The following HSPA12B variants were observed in gnomAD, a reference collection of about 807,000 sequenced individuals.
HSPA12B encodes the protein heat shock protein family A (Hsp70) member 12B.
A neutral mutation model predicts 69.3 loss-of-function variants in HSPA12B; 54 were observed. The ratio of observed to expected loss-of-function variants is 0.78; its 90% CI spans 0.63 to 0.98. HSPA12B has a LOEUF of 0.98. HSPA12B is among the 50% of genes least tolerant of loss of function. The pLI is 0.00. For synonymous variants in HSPA12B, 441 were observed against 436.5 expected (o/e 1.01, Z -0.13); for missense variants, 929 against 999.8 (o/e 0.93, Z 0.96).
At chr20:3,735,062 T>C (rs1017687275) in intron 1 of HSPA12B, among the ~76,000 whole-genome samples, 5 of 152,152 alleles carry the variant, frequency 3.3e-5, no homozygotes, top group African/African-American at 1.2e-4. Context: ...ATTTAGTTCC[T>C]ACCTCCTTCC....
intron 1 of HSPA12B, among the ~76,000 whole-genome samples, chr20:3,733,150 T>C (rs2088056097): frequency 1.3e-5 from 2 of 152,008 alleles, no homozygotes; most frequent in Admixed American, 1.3e-4. Flanking sequence ...GGTGGAAACC[T>C]GGGAGTTGAG....
chr20:3,751,920 C>T lies in HSPA12B; in HGVS notation c.1815C>T (p.Leu605=). 1 of 1,586,402 alleles carries T rather than the reference C, an allele frequency of 6.3e-7. No individual in the cohort carries two copies. Among genetic ancestry groups the T allele is most frequent in the Admixed American group, 1.7e-5 (1 of 58,158 alleles). Residue 605 remains leucine, a synonymous_variant, in exon 13 of 13, where the codon CTC becomes CTT. Transcript: ENST00000254963. Reference sequence around the variant, plus strand: ...CGCGTCCCGGCCAGCGGCGCGTACTCATCAACCTGTACTGCTGCGCGGCAG... The same window carrying T: ...CGCGTCCCGGCCAGCGGCGCGTACTTATCAACCTGTACTGCTGCGCGGCAG... The part of the protein sequence containing the change: ...CPARPGQRRV[L]INLYCCAAED...
Position 3,748,336 on chromosome 20 carries a change from C to T in HSPA12B, c.795C>T (p.Ala265=). 1 of 1,610,442 alleles carries T rather than the reference C, an allele frequency of 6.2e-7. No individual in the cohort carries two copies. Among genetic ancestry groups the T allele is most frequent in the Non-Finnish European group, 8.5e-7 (1 of 1,178,452 alleles). ...AGCTCCTGGACCTGAGTGGCCGGGC[C>T]CCAGGTGGTGGGCGCCTGGGTGAGC... is the stretch of plus-strand genomic sequence containing the variant. ...LHQLLDLSGR[A]PGGGRLGERR... is the part of the protein sequence containing the mutation. The change falls in exon 8 of 13, where the codon GCC becomes GCT. Residue 265 remains alanine (A), a synonymous_variant. Transcript: ENST00000254963.
At position 3,752,117 on chromosome 20, in the gene HSPA12B, T is replaced by C; in HGVS notation, c.2012T>C (p.Val671Ala). Residue 671 changes from valine to alanine, a missense_variant, in exon 13 of 13, where the codon GTC becomes GCC. Transcript: ENST00000254963. ...DTEIKVTAVD[V>A]STNRSVRASI... ...GAAATTAAGGTCACCGCCGTCGACG[T>C]CAGCACCAATCGCTCCGTGCGCGCG... 1 of 1,494,020 alleles carries C rather than the reference T, an allele frequency of 6.7e-7. No individual in the cohort carries two copies. Among genetic ancestry groups the C allele is most frequent in the Non-Finnish European group, 8.9e-7 (1 of 1,128,878 alleles). The allele number at this position is 1,494,020 out of a possible 1,614,324, so 92.5% of individuals were successfully genotyped here. A position where few individuals can be genotyped will look rare whatever the true frequency, so the allele number is the denominator to read the frequency against.
In HSPA12B at chr20:3,749,100, A is replaced by G; in HGVS notation, c.851-132A>G. The G allele has an allele frequency of 1.4e-6, 1 of 698,656 alleles. No homozygotes were observed. The highest frequency in any genetic ancestry group is 2.5e-6 in the Non-Finnish European group (1 of 407,928). The allele number at this position is 698,656 out of a possible 1,614,324, so 43.3% of individuals were successfully genotyped here. The stretch of plus-strand genomic sequence containing the variant: ...TCAGGATTGCCCTCTCCCAGTCAGG[A>G]GCAGGTTGGAGTTTCAGGAGCACTG... On this transcript the variant is annotated intron_variant, in intron 8 of 12. Coordinates refer to ENST00000254963, the MANE Select transcript of HSPA12B (RefSeq NM_052970.5). The surrounding 1 kb of genome is among the most constrained non-coding windows in gnomAD (Gnocchi z 5.5).
intron 4 of HSPA12B, 79 bp downstream of exon 4, chr20:3,742,487 C>T (rs768022815): frequency 9.0e-5 from 107 of 1,193,286 alleles, no homozygotes; most frequent in Non-Finnish European, 1.2e-4. Flanking sequence ...GTACTGTCAC[C>T]GAGACATGGG....
Position 3,744,813 on chromosome 20 carries a change from C to G in HSPA12B, c.267-89C>G, listed in dbSNP as rs1002301734. ...ATAGCTAGTTCTCCCTGCTCTTTCA[C>G]ATCTGTAAGTTTTTGCACATGCTGT... On this transcript the variant is annotated intron_variant, in intron 4 of 12. Transcript: ENST00000254963. This position sits in a 1 kb window ranked among gnomAD's most constrained non-coding sequence, Gnocchi z 4.9. 7 of 1,269,670 alleles carry G rather than the reference C, an allele frequency of 5.5e-6. No homozygotes were observed. The highest frequency in any genetic ancestry group is 7.8e-6 in the Non-Finnish European group (7 of 903,226). The allele number at this position is 1,269,670 out of a possible 1,614,324, so 78.7% of individuals were successfully genotyped here.
rs2088277781 is a variant in HSPA12B at position 3,745,250 on chromosome 20, G to A, written c.453+162G>A. On this transcript the variant is annotated intron_variant, in intron 5 of 12. Coordinates refer to ENST00000254963, the MANE Select transcript of HSPA12B (RefSeq NM_052970.5). The surrounding 1 kb of genome is among the most constrained non-coding windows in gnomAD (Gnocchi z 5.6). ...GGAGACGTCGGACTCCGGTGTGGGC[G>A]GAGCTCAGAAATGAGGTGGAGGCGG... is the stretch of plus-strand genomic sequence containing the variant. Among the ~76,000 whole-genome samples the A allele has an allele frequency of 6.6e-6, 1 of 151,676 alleles. No individual in the cohort carries two copies. The highest frequency in any genetic ancestry group is 1.5e-5 in the Non-Finnish European group (1 of 67,916).
Position 3,748,260 on chromosome 20 carries a change from C to G in HSPA12B, c.719C>G (p.Ala240Gly). The G allele has an allele frequency of 1.2e-6, 2 of 1,602,196 alleles. No individual in the cohort carries two copies. Among genetic ancestry groups the G allele is most frequent in the Non-Finnish European group, 1.7e-6 (2 of 1,173,594 alleles). Residue 240 changes from alanine to glycine, a missense_variant, in exon 8 of 13, where the codon GCC becomes GGC. By Grantham distance (60) the Ala-to-Gly change is moderately conservative. Around this residue, in one of 3 missense-constraint regions of HSPA12B, gnomAD observed 477 missense variants for 535.2 expected, o/e 0.89. Transcript: ENST00000254963. ...SRENAEQLLI[A>G]LEPEAASVYC... ...GAGAATGCAGAGCAGCTACTCATCG[C>G]CCTGGAGCCCGAGGCCGCCTCGGTA... is the stretch of plus-strand genomic sequence containing the variant.
intron 4 of HSPA12B, 59 bp downstream of exon 4, chr20:3,742,467 G>A (rs2088219846): frequency 7.3e-7 from 1 of 1,367,462 alleles, no homozygotes; most frequent in African/African-American, 1.4e-5. Flanking sequence ...CTCATACCTT[G>A]GTCCCAAAAG....
In HSPA12B at chr20:3,752,230, G is replaced by A; in HGVS notation, c.*64G>A. 7.2e-7 allele frequency: 1 copy of A among 1,387,414 alleles called. No homozygotes were observed. 85.9% of individuals were successfully genotyped at this position (1,387,414 alleles called of 1,614,324 possible). A position where few individuals can be genotyped will look rare whatever the true frequency, so the allele number is the denominator to read the frequency against. On this transcript the variant is annotated 3_prime_UTR_variant, in exon 13 of 13. Transcript: ENST00000254963. ...CCGCCCTCTTTCGGTTCAGGGGCCT[G>A]CGGAGCGGGTTGGGGCGGGGGAAAC...
Position 3,744,596 on chromosome 20 carries a change from T to C in HSPA12B, c.267-306T>C, listed in dbSNP as rs766841630. On this transcript the variant is annotated intron_variant, in intron 4 of 12. Transcript: ENST00000254963. This position sits in a 1 kb window ranked among gnomAD's most constrained non-coding sequence, Gnocchi z 4.9. ...TGCAATATCCTCCTCCTTGGTTTCC[T>C]TTCTCCATGCTCCCTTCCCTGCATT... Among the ~76,000 whole-genome samples, 2 of 152,220 alleles carry C rather than the reference T, an allele frequency of 1.3e-5. No homozygotes were observed. The highest frequency in any genetic ancestry group is 6.5e-5 in the Admixed American group (1 of 15,282).
At chr20:3,748,524 A>C in intron 8 of HSPA12B, 133 bp downstream of exon 8, 1 of 868,060 alleles carries the variant, frequency 1.2e-6, no homozygotes, top group Non-Finnish European at 1.6e-6. Flanking sequence ...AGGCAGAAAC[A>C]TGGCTGGTGG....
intron 1 of HSPA12B, among the ~76,000 whole-genome samples, chr20:3,735,412 G>A (rs146573203): frequency 6.6e-6 from 1 of 151,994 alleles, no homozygotes; most frequent in African/African-American, 2.4e-5. Flanking sequence ...GCTGGGAAGA[G>A]TATAGGCCCA....
chr20:3,738,416 TGA>T (rs2088141325), intron 1 of HSPA12B, among the ~76,000 whole-genome samples: 1 of 152,108 alleles, frequency 6.6e-6, no homozygotes, highest in Non-Finnish European at 1.5e-5. Context: ...GGACTTTAGA[TGA>T]GATTTAAGGA....
At position 3,749,443 on chromosome 20, in the gene HSPA12B, T is replaced by G; in HGVS notation, c.937+125T>G. 1 of 897,256 alleles carries G rather than the reference T, an allele frequency of 1.1e-6. No individual in the cohort carries two copies. Among genetic ancestry groups the G allele is most frequent in the Non-Finnish European group, 1.7e-6 (1 of 580,240 alleles). The allele number at this position is 897,256 out of a possible 1,614,324, so 55.6% of individuals were successfully genotyped here. A position where few individuals can be genotyped will look rare whatever the true frequency, so the allele number is the denominator to read the frequency against. On this transcript the variant is annotated intron_variant, in intron 9 of 12. Coordinates refer to ENST00000254963, the MANE Select transcript of HSPA12B (RefSeq NM_052970.5). The surrounding 1 kb of genome is among the most constrained non-coding windows in gnomAD (Gnocchi z 5.5). ...CCATTCGCTGTACCCAACCTGGCCGTCCCCTCACAGTCACCCGCACCCCCA... is the reference window on the plus strand; with the variant it reads ...CCATTCGCTGTACCCAACCTGGCCGGCCCCTCACAGTCACCCGCACCCCCA...
chr20:3,752,806 C>G lies in HSPA12B; in HGVS notation c.*640C>G. 1 of 153,836 alleles carries G rather than the reference C, an allele frequency of 6.5e-6. No individual in the cohort carries two copies. The highest frequency in any genetic ancestry group is 1.5e-5 in the Non-Finnish European group (1 of 68,070). The allele number at this position is 153,836 out of a possible 1,614,324, so 9.5% of individuals were successfully genotyped here. The stretch of plus-strand genomic sequence containing the variant: ...GTGGTGGAGGCAATTATGAGGGTAG[C>G]ATTTCTTTCGAGACAAAACACCCGT... On this transcript the variant is annotated 3_prime_UTR_variant, in exon 13 of 13. Coordinates refer to ENST00000254963, the MANE Select transcript of HSPA12B (RefSeq NM_052970.5).
In HSPA12B at chr20:3,738,725, C is replaced by A. The variant is rs764695380; in HGVS notation, c.43+8C>A. 2 of 1,614,072 alleles carry A rather than the reference C, an allele frequency of 1.2e-6. No individual in the cohort carries two copies. The highest frequency in any genetic ancestry group is 1.7e-6 in the Non-Finnish European group (2 of 1,179,980). On this transcript the variant is annotated splice_region_variant and intron_variant, in intron 2 of 12. Coordinates refer to ENST00000254963, the MANE Select transcript of HSPA12B (RefSeq NM_052970.5). ...TGCAGGGGCTGTACATCGGTAAGAA[C>A]CCCCACCATTCTGCCCTGACCCATC...
chr20:3,746,947 AC>A, intron 7 of HSPA12B, among the ~76,000 whole-genome samples: 1 of 152,186 alleles, frequency 6.6e-6, no homozygotes, highest in East Asian at 1.9e-4. Flanking sequence ...CAGGCAGGGC[AC>A]CCAGAACATT....
Sources: allele counts gnomAD v4.1 joint callset (sites outside exome capture counted in the v4.1 genomes callset), GRCh38; gene constraint gnomAD v4.1.1; regional missense constraint gnomAD v4.1.1; non-coding constraint Gnocchi (gnomAD v3.1); transcripts MANE v1.5; gene names NCBI Gene and HGNC (gene_info 2026-07-23, HGNC 2026-07-21).